The following NLGN1 variants were observed in gnomAD, a reference collection of about 807,000 sequenced individuals.
NLGN1 encodes neuroligin-1.
A neutral mutation model predicts 65.5 loss-of-function variants in NLGN1; 12 were observed. The observed-to-expected ratio is 0.18, with a 90% confidence interval of 0.12 to 0.30. The LOEUF (loss-of-function observed/expected upper bound fraction) is 0.30, where lower values mean the gene tolerates loss of function less well. NLGN1 is among the 10% of genes least tolerant of loss of function. The pLI, the probability that NLGN1 is intolerant of heterozygous loss-of-function variation, is 1.00. For missense variants in NLGN1, 750 were observed against 1,007.1 expected, an observed-to-expected ratio of 0.74 and a Z score of 3.46; for synonymous variants, 350 against 359.5, an observed-to-expected ratio of 0.97 and a Z score of 0.30.
chr3:174,158,192 C>A (rs9860585), intron 4 of NLGN1, among the ~76,000 whole-genome samples: 1 of 151,436 alleles, frequency 6.6e-6, no homozygotes, highest in African/African-American at 2.4e-5. Flanking sequence ...TTTTTAGTCT[C>A]CTTTTATTTT....
Position 174,280,810 on chromosome 3 carries a change from A to G in NLGN1, c.1979A>G (p.Gln660Arg), listed in dbSNP as rs754953828. 1 of 1,613,444 alleles carries G rather than the reference A, an allele frequency of 6.2e-7. No individual in the cohort carries two copies. Among genetic ancestry groups the G allele is most frequent in the Non-Finnish European group, 8.5e-7 (1 of 1,179,588 alleles). ...ACTGCCAAGCAGGATGATCCCAAAC[A>G]ACAACCAAGTCCATTTTCAGTGGAT... The change falls in exon 7 of 7, where the codon CAA becomes CGA. Residue 660 changes from glutamine to arginine, a missense_variant. Gln to Arg is a conservative substitution (Grantham distance 43, BLOSUM62 1). Transcript: ENST00000457714. The surrounding 1 kb of genome is among the most constrained non-coding windows in gnomAD (Gnocchi z 4.9).
intron 4 of NLGN1, among the ~76,000 whole-genome samples, chr3:173,913,692 G>A (rs1055650850): frequency 2.0e-5 from 3 of 152,104 alleles, no homozygotes; most frequent in African/African-American, 7.2e-5. Context: ...AAAGTATGTC[G>A]AGCAGAAGAA....
intron 4 of NLGN1, among the ~76,000 whole-genome samples, chr3:174,208,861 T>C (rs1037549836): frequency 2.6e-5 from 4 of 152,210 alleles, no homozygotes; most frequent in Non-Finnish European, 5.9e-5. Flanking sequence ...GCAATGTGTG[T>C]AACGTGGTGA....
At chr3:173,712,078 C>T (rs1207584655) in intron 3 of NLGN1, among the ~76,000 whole-genome samples, 2 of 152,160 alleles carry the variant, frequency 1.3e-5, no homozygotes, top group African/African-American at 4.8e-5. Flanking sequence ...AAACTAAATA[C>T]AGATCAGGAA....
At chr3:174,183,106 C>T (rs921172274) in intron 4 of NLGN1, among the ~76,000 whole-genome samples, 7 of 152,098 alleles carry the variant, frequency 4.6e-5, no homozygotes, top group Admixed American at 2.6e-4. Context: ...AGCTTCACCA[C>T]ACTCTTTCTT....
At chr3:173,579,019 C>T (rs1033377051) in intron 2 of NLGN1, among the ~76,000 whole-genome samples, 3 of 152,084 alleles carry the variant, frequency 2.0e-5, no homozygotes, top group Admixed American at 6.5e-5. Flanking sequence ...CCTAATGGCA[C>T]CATTATTTGA....
chr3:174,096,932 AAAAT>A (rs1197234898), intron 4 of NLGN1, among the ~76,000 whole-genome samples: 8 of 152,116 alleles, frequency 5.3e-5, no homozygotes, highest in Non-Finnish European at 7.4e-5. Context: ...GAAATTTAAG[AAAAT>A]AAATAAATAA....
At chr3:173,711,246 C>A (rs1427593698) in intron 3 of NLGN1, among the ~76,000 whole-genome samples, 1 of 152,160 alleles carries the variant, frequency 6.6e-6, no homozygotes, top group African/African-American at 2.4e-5. Context: ...TCACAGATAT[C>A]TCACTTTAGA....
intron 3 of NLGN1, among the ~76,000 whole-genome samples, chr3:173,671,493 A>G (rs1447914246): frequency 2.0e-5 from 3 of 152,096 alleles, no homozygotes; most frequent in African/African-American, 7.2e-5. Context: ...GAATTGAATC[A>G]TTTTACCTTA....
At chr3:174,171,978 A>G (rs1728623401) in intron 4 of NLGN1, among the ~76,000 whole-genome samples, 1 of 152,108 alleles carries the variant, frequency 6.6e-6, no homozygotes, top group South Asian at 2.1e-4. Flanking sequence ...ACTGAGACCC[A>G]AATTCTAATA....
intron 3 of NLGN1, among the ~76,000 whole-genome samples, chr3:173,766,015 T>A (rs757559351): frequency 6.6e-6 from 1 of 152,108 alleles, no homozygotes; most frequent in Non-Finnish European, 1.5e-5. Context: ...TCTAGATTAC[T>A]GTACACATAT....
chr3:174,216,103 G>A (rs1316548600), intron 4 of NLGN1, among the ~76,000 whole-genome samples: 1 of 152,118 alleles, frequency 6.6e-6, no homozygotes, highest in Admixed American at 6.5e-5. Flanking sequence ...ACTTTCAATT[G>A]CATTACTGTG....
chr3:173,988,622 T>G (rs1720443780), intron 4 of NLGN1, among the ~76,000 whole-genome samples: 1 of 152,152 alleles, frequency 6.6e-6, no homozygotes, highest in Admixed American at 6.6e-5. Context: ...CAAGAATTAT[T>G]AATAATGCCT....
intron 4 of NLGN1, among the ~76,000 whole-genome samples, chr3:173,862,994 A>G (rs1729440559): frequency 6.6e-6 from 1 of 152,168 alleles, no homozygotes; most frequent in Non-Finnish European, 1.5e-5. Flanking sequence ...CCTTAATATA[A>G]TAGGTGGTAT....
chr3:173,954,933 G>A lies in NLGN1; in HGVS notation c.646+147101G>A, dbSNP rs142120093. 1.8e-3 allele frequency among the ~76,000 whole-genome samples: 280 copies of A among 152,146 alleles called. 3 individuals carry two copies. The highest frequency in any genetic ancestry group is 6.4e-3 in the African/African-American group (265 of 41,518). On this transcript the variant is annotated intron_variant, in intron 4 of 6. Transcript: ENST00000457714. ...TGAAATCTCCATTAGGTATCAACAG[G>A]TCGTAGAGAGGGAATTGGCAATTTT... is the stretch of plus-strand genomic sequence containing the variant.
intron 2 of NLGN1, among the ~76,000 whole-genome samples, chr3:173,435,563 G>A (rs966768754): frequency 3.3e-5 from 5 of 152,064 alleles, no homozygotes; most frequent in Non-Finnish European, 7.4e-5. Context: ...GGCTGGGTGC[G>A]GTGGCACACG....
At chr3:173,575,238 TAC>T (rs1054495265) in intron 2 of NLGN1, among the ~76,000 whole-genome samples, 1 of 152,168 alleles carries the variant, frequency 6.6e-6, no homozygotes, top group Non-Finnish European at 1.5e-5. Flanking sequence ...ATGGTGACTT[TAC>T]ACTTAGCAAA....
intron 2 of NLGN1, among the ~76,000 whole-genome samples, chr3:173,563,743 G>T (rs1398621680): frequency 6.6e-6 from 1 of 151,722 alleles, no homozygotes; most frequent in Non-Finnish European, 1.5e-5. Context: ...AAATACATAA[G>T]AATTCCATCC....
At chr3:173,931,297 A>G (rs967565439) in intron 4 of NLGN1, among the ~76,000 whole-genome samples, 1 of 152,160 alleles carries the variant, frequency 6.6e-6, no homozygotes, top group Non-Finnish European at 1.5e-5. Context: ...TAAATATATA[A>G]AAATTAAAAT....
Sources: gnomAD v4.1 joint callset for allele counts (sites outside exome capture counted in the v4.1 genomes callset) on GRCh38, gnomAD v4.1.1 for gene constraint, Gnocchi (gnomAD v3.1) non-coding constraint, MANE v1.5 for transcripts, NCBI Gene and HGNC (gene_info 2026-07-23, HGNC 2026-07-21) for gene names.